Variants in ARRB1 observed in about 807,000 individuals in gnomAD.
ARRB1 encodes the protein beta-arrestin-1.
A neutral mutation model predicts 56.8 loss-of-function variants in ARRB1; 21 were observed. That is an observed-to-expected ratio of 0.37 (90% CI 0.26 to 0.53). The LOEUF is 0.53. ARRB1 is among the 20% of genes least tolerant of loss of function. ARRB1 has a pLI of 0.88. For missense variants in ARRB1, 424 were observed against 553.7 expected (o/e 0.77, Z 2.35); for synonymous variants, 210 against 218.6 (o/e 0.96, Z 0.35).
intron 1 of ARRB1, among the ~76,000 whole-genome samples, chr11:75,308,274 C>T (rs545691573): frequency 6.6e-6 from 1 of 152,350 alleles, no homozygotes; most frequent in African/African-American, 2.4e-5. Flanking sequence ...GAAACCAAGG[C>T]CCAGGAGCTC....
chr11:75,334,506 G>C (rs1247922233), intron 1 of ARRB1, among the ~76,000 whole-genome samples: 2 of 152,178 alleles, frequency 1.3e-5, no homozygotes, highest in East Asian at 3.9e-4. Context: ...CTATCCCAAT[G>C]AAAGGCATGG....
intron 1 of ARRB1, among the ~76,000 whole-genome samples, chr11:75,306,285 C>T (rs1208943542): frequency 1.3e-5 from 2 of 152,222 alleles, no homozygotes; most frequent in East Asian, 1.9e-4. Context: ...GTCCAAACCT[C>T]GTCTCCAGCC....
chr11:75,271,530 T>A, intron 13 of ARRB1, 171 bp downstream of exon 13: 3 of 641,636 alleles, frequency 4.7e-6, no homozygotes, highest in Non-Finnish European at 7.8e-6. Context: ...AAGAGCAAGG[T>A]GAGGTTTGTT....
Position 75,266,196 on chromosome 11 carries a change from A to G in ARRB1, c.1224T>C (p.Asp408=), listed in dbSNP as rs767505319. ...GMKDDKEEEE[D]GTGSPQLNNR The stretch of plus-strand genomic sequence containing the variant: ...TGTTGAGCTGTGGAGAGCCGGTACC[A>G]TCCTCCTCTTCCTCCTTGTCATCCT... The change falls in exon 16 of 16, where the codon GAT becomes GAC. Residue 408 remains aspartate, a synonymous_variant. Transcript: ENST00000420843. 4 of 1,614,212 alleles carry G rather than the reference A, an allele frequency of 2.5e-6. No individual in the cohort carries two copies. The East Asian group carries it at 8.9e-5, about 36-fold the overall frequency.
At chr11:75,327,374 C>T (rs1020822048) in intron 1 of ARRB1, among the ~76,000 whole-genome samples, 1 of 151,382 alleles carries the variant, frequency 6.6e-6, no homozygotes. Flanking sequence ...ACTAGGTTGC[C>T]GAGGATGATC....
At chr11:75,307,963 C>T (rs1399618868) in intron 1 of ARRB1, among the ~76,000 whole-genome samples, 1 of 152,150 alleles carries the variant, frequency 6.6e-6, no homozygotes, top group Non-Finnish European at 1.5e-5. Context: ...CCTCTTCCCC[C>T]GTGGCCATGG....
At chr11:75,351,324 G>A (rs903836488) in intron 1 of ARRB1, among the ~76,000 whole-genome samples, 1 of 152,230 alleles carries the variant, frequency 6.6e-6, no homozygotes, top group Non-Finnish European at 1.5e-5. Context: ...CTCTGCGGCT[G>A]CCGGCCAATG....
chr11:75,336,068 G>A (rs1947598551), intron 1 of ARRB1, among the ~76,000 whole-genome samples: 1 of 152,078 alleles, frequency 6.6e-6, no homozygotes, highest in East Asian at 1.9e-4. Flanking sequence ...CTCCCATCTC[G>A]CAGCCCGTGC....
intron 1 of ARRB1, among the ~76,000 whole-genome samples, chr11:75,301,057 T>C (rs1023532525): frequency 6.9e-6 from 1 of 145,590 alleles, no homozygotes; most frequent in African/African-American, 2.6e-5. Context: ...GACAGGAGAA[T>C]CGCTTGAACC....
intron 3 of ARRB1, among the ~76,000 whole-genome samples, chr11:75,286,389 A>G (rs1591920204): frequency 7.3e-6 from 1 of 136,136 alleles, no homozygotes; most frequent in Non-Finnish European, 1.5e-5. Flanking sequence ...TGCCTCACCC[A>G]CCCCAGTAGC....
intron 1 of ARRB1, among the ~76,000 whole-genome samples, chr11:75,296,268 A>G (rs1946748579): frequency 6.6e-6 from 1 of 152,100 alleles, no homozygotes; most frequent in Non-Finnish European, 1.5e-5. Flanking sequence ...TTACAATGTA[A>G]AATGAATTTC....
intron 1 of ARRB1, among the ~76,000 whole-genome samples, chr11:75,317,170 C>T (rs903055114): frequency 6.6e-6 from 1 of 152,168 alleles, no homozygotes; most frequent in Non-Finnish European, 1.5e-5. Context: ...TCATTCTCCT[C>T]CACTGTGTCA....
chr11:75,310,889 A>G lies in ARRB1; in HGVS notation c.21-20850T>C, dbSNP rs142727189. 4.5e-4 allele frequency among the ~76,000 whole-genome samples: 69 copies of G among 152,274 alleles called. No individual in the cohort carries two copies. The East Asian group carries it at 4.6e-3, about 10-fold the overall frequency. On this transcript the variant is annotated intron_variant, in intron 1 of 15. Coordinates refer to ENST00000420843, the MANE Select transcript of ARRB1 (RefSeq NM_004041.5). The stretch of plus-strand genomic sequence containing the variant: ...CAGACCCCAGGAGGCCGGCTCCCCA[A>G]TTGCCTTTGCCACACTGCCTCTGTC...
Position 75,264,524 on chromosome 11 carries a change from A to G in ARRB1, c.*1639T>C, listed in dbSNP as rs1229282150. On this transcript the variant is annotated 3_prime_UTR_variant, in exon 16 of 16. Coordinates refer to ENST00000420843, the MANE Select transcript of ARRB1 (RefSeq NM_004041.5). ...TGTCCCTCCTTGGGCAACTCATGCT[A>G]CCTATGGCCACAGCCTGACATCAAT... 3 of 152,156 alleles carry G rather than the reference A, an allele frequency of 2.0e-5. No individual in the cohort carries two copies. Among genetic ancestry groups the G allele is most frequent in the African/African-American group, 7.2e-5 (3 of 41,390 alleles). 9.4% of individuals were successfully genotyped at this position (152,156 alleles called of 1,614,324 possible). A position where few individuals can be genotyped will look rare whatever the true frequency, so the allele number is the denominator to read the frequency against.
At chr11:75,300,246 T>C (rs1946868780) in intron 1 of ARRB1, among the ~76,000 whole-genome samples, 1 of 151,198 alleles carries the variant, frequency 6.6e-6, no homozygotes, top group Admixed American at 6.6e-5. Flanking sequence ...AAAAGAAAGC[T>C]TATCCAGGTT....
rs1301567767 is a variant in ARRB1 at position 75,332,293 on chromosome 11, G to T, written c.20+19295C>A. Among the ~76,000 whole-genome samples, 5 of 152,298 alleles carry T rather than the reference G, an allele frequency of 3.3e-5. No individual in the cohort carries two copies. The East Asian group carries it at 9.6e-4, about 29-fold the overall frequency. ...ATCAGAATATTTTATCCCAAAACGT[G>T]TTTCTCTGCCATATCTTGAAATGGC... On this transcript the variant is annotated intron_variant, in intron 1 of 15. Transcript: ENST00000420843.
chr11:75,293,053 G>A (rs80196420), intron 1 of ARRB1, among the ~76,000 whole-genome samples: 1,625 of 152,108 alleles, frequency 0.011, 54 homozygotes, highest in East Asian at 0.096. Flanking sequence ...GGAGAAATGA[G>A]GAGAGGAGAG....
At chr11:75,312,197 CA>C in intron 1 of ARRB1, 1 of 1,246,408 alleles carries the variant, frequency 8.0e-7, no homozygotes, top group Non-Finnish European at 1.1e-6. Flanking sequence ...CCTTTCCCAG[CA>C]GCCGTCCCTA....
intron 1 of ARRB1, among the ~76,000 whole-genome samples, chr11:75,344,061 C>T (rs1947732001): frequency 6.6e-6 from 1 of 152,186 alleles, no homozygotes; most frequent in Non-Finnish European, 1.5e-5. Flanking sequence ...AAGTGATCCA[C>T]CCGCCTCGGC....
Sources: allele counts gnomAD v4.1 joint callset (sites outside exome capture counted in the v4.1 genomes callset), GRCh38; gene constraint gnomAD v4.1.1; transcripts MANE v1.5; gene names NCBI Gene and HGNC (gene_info 2026-07-23, HGNC 2026-07-21).